Variants in KPNA1 observed in about 807,000 individuals in gnomAD.
The protein encoded by KPNA1 is karyopherin subunit alpha 1, also known as importin subunit alpha-5.
KPNA1 carries 10 observed loss-of-function variants against 70.5 expected under a neutral mutation model. That is an observed-to-expected ratio of 0.14 (90% CI 0.09 to 0.24). The LOEUF (loss-of-function observed/expected upper bound fraction) is 0.24, where lower values mean the gene tolerates loss of function less well. KPNA1 is among the 10% of genes least tolerant of loss of function. The pLI is 1.00. For missense variants in KPNA1, 397 were observed against 637.9 expected (o/e 0.62, Z 4.07); for synonymous variants, 192 against 221.9 (o/e 0.87, Z 1.20).
chr3:122,449,059 ATTATG>A (rs2076171440), intron 9 of KPNA1, among the ~76,000 whole-genome samples: 1 of 152,222 alleles, frequency 6.6e-6, no homozygotes, highest in South Asian at 2.1e-4. Flanking sequence ...CCATTTCTCC[ATTATG>A]TTATCACTTT....
intron 11 of KPNA1, 150 bp from the exon 12 acceptor site, chr3:122,433,938 CTTT>C (rs1043325100): frequency 1.6e-6 from 1 of 634,070 alleles, no homozygotes; most frequent in Admixed American, 3.4e-5. Context: ...TATCTCTAAC[CTTT>C]TTTTTTCTTT....
At chr3:122,435,942 AG>A (rs1421203365) in intron 11 of KPNA1, among the ~76,000 whole-genome samples, 2 of 152,356 alleles carry the variant, frequency 1.3e-5, no homozygotes, top group Admixed American at 6.5e-5. Flanking sequence ...TCAGGGAACA[AG>A]GGAGATAACC....
rs771436068 is a variant in KPNA1, at chr3:122,461,308, A to AG, written c.347dup (p.Pro117SerfsTer3). ...GTGTGCTGATAACTTCATCAATAGG[A>AG]GGGTTAGGTTCTGTTTCCCCATAAA... On this transcript the variant is annotated frameshift_variant, in exon 5 of 14. Transcript: ENST00000344337. LOFTEE classifies it high-confidence loss of function. The AG allele has an allele frequency of 6.2e-7, 1 of 1,608,896 alleles. No individual in the cohort carries two copies. The highest frequency in any genetic ancestry group is 8.5e-7 in the Non-Finnish European group (1 of 1,176,558).
At chr3:122,503,025 G>C (rs1054606913) in intron 1 of KPNA1, among the ~76,000 whole-genome samples, 25 of 152,040 alleles carry the variant, frequency 1.6e-4, no homozygotes, top group Non-Finnish European at 3.5e-4. Context: ...TTGAGCCTGG[G>C]AGGTCAAGGC....
chr3:122,508,046 G>GA (rs1193315063), intron 1 of KPNA1, among the ~76,000 whole-genome samples: 2 of 151,544 alleles, frequency 1.3e-5, no homozygotes, highest in Admixed American at 6.6e-5. Context: ...CAAATGCTGT[G>GA]AAAAAATGAA....
At chr3:122,483,684 T>C (rs1468015929) in intron 2 of KPNA1, among the ~76,000 whole-genome samples, 1 of 152,206 alleles carries the variant, frequency 6.6e-6, no homozygotes, top group East Asian at 1.9e-4. Context: ...AAATATAAGT[T>C]TTCTAGTAGC....
At chr3:122,472,090 G>T (rs563579981) in intron 2 of KPNA1, among the ~76,000 whole-genome samples, 16 of 152,226 alleles carry the variant, frequency 1.1e-4, no homozygotes, top group African/African-American at 3.9e-4. Flanking sequence ...TAATCAACTG[G>T]ATATAATGAA....
At chr3:122,460,864 C>T (rs1339053147) in intron 5 of KPNA1, among the ~76,000 whole-genome samples, 1 of 152,058 alleles carries the variant, frequency 6.6e-6, no homozygotes, top group Non-Finnish European at 1.5e-5. Context: ...CCATGTTACA[C>T]CATCCTGAGA....
In KPNA1 at chr3:122,500,724, G is replaced by A. The variant is rs6765287; in HGVS notation, c.-5-4154C>T. On this transcript the variant is annotated intron_variant, in intron 1 of 13. Coordinates refer to ENST00000344337, the MANE Select transcript of KPNA1 (RefSeq NM_002264.4). Reference sequence around the variant, plus strand: ...TCTCACCATGTGGGCAACTGGTCTCGAACTCCTGGGCTCAAGTGATCCTCC... The same window carrying A: ...TCTCACCATGTGGGCAACTGGTCTCAAACTCCTGGGCTCAAGTGATCCTCC... Among the ~76,000 whole-genome samples the A allele has an allele frequency of 3.4e-3, 517 of 151,772 alleles. 3 individuals carry two copies. Among genetic ancestry groups the A allele is most frequent in the African/African-American group, 0.012 (489 of 41,404 alleles).
chr3:122,511,274 C>T (rs1274045057), intron 1 of KPNA1, among the ~76,000 whole-genome samples: 1 of 152,144 alleles, frequency 6.6e-6, no homozygotes, highest in Non-Finnish European at 1.5e-5. Flanking sequence ...AGTATATAGG[C>T]ACTCATGGAC....
rs1453347293 is a variant in KPNA1, at chr3:122,431,193, A to T, written c.1250+2468T>A. ...TTTATCTTTTGAGACAGAGTCTCTCACTCTGTCTCCGAGGGTGGAGTGCAG... is the reference window on the plus strand; with the variant it reads ...TTTATCTTTTGAGACAGAGTCTCTCTCTCTGTCTCCGAGGGTGGAGTGCAG... On this transcript the variant is annotated intron_variant, in intron 12 of 13. Coordinates refer to ENST00000344337, the MANE Select transcript of KPNA1 (RefSeq NM_002264.4). Among the ~76,000 whole-genome samples the T allele has an allele frequency of 2.0e-5, 3 of 152,012 alleles. No individual in the cohort carries two copies. In the East Asian group the frequency reaches 5.8e-4, roughly 29 times the overall value.
At chr3:122,483,768 T>C (rs2076598499) in intron 2 of KPNA1, among the ~76,000 whole-genome samples, 2 of 152,138 alleles carry the variant, frequency 1.3e-5, no homozygotes, top group African/African-American at 4.8e-5. Context: ...TCTTAAGAGG[T>C]GAAATCATTT....
chr3:122,464,482 G>C (rs2076359201), intron 3 of KPNA1, among the ~76,000 whole-genome samples: 1 of 152,066 alleles, frequency 6.6e-6, no homozygotes, highest in African/African-American at 2.4e-5. Flanking sequence ...TGTTCCTCCA[G>C]TATACTGTAA....
chr3:122,469,554 T>C (rs911532455), intron 2 of KPNA1, among the ~76,000 whole-genome samples: 17 of 152,212 alleles, frequency 1.1e-4, no homozygotes, highest in Non-Finnish European at 2.1e-4. Context: ...CTAGGCCTTC[T>C]CCCTGTAACC....
At chr3:122,508,771 G>A (rs2076919563) in intron 1 of KPNA1, among the ~76,000 whole-genome samples, 1 of 152,086 alleles carries the variant, frequency 6.6e-6, no homozygotes, top group Non-Finnish European at 1.5e-5. Context: ...ACTTAATAGA[G>A]CTTCCAATTC....
intron 12 of KPNA1, among the ~76,000 whole-genome samples, chr3:122,429,320 G>A (rs769966806): frequency 3.3e-5 from 5 of 151,682 alleles, no homozygotes; most frequent in South Asian, 4.2e-4. Context: ...ACATGGCAGC[G>A]GGCACCTGTA....
At chr3:122,483,860 G>GC (rs2076599108) in intron 2 of KPNA1, among the ~76,000 whole-genome samples, 1 of 152,058 alleles carries the variant, frequency 6.6e-6, no homozygotes, top group Non-Finnish European at 1.5e-5. Context: ...CATAGATGAG[G>GC]GATTAGTTTT....
At chr3:122,513,977 T>C (rs992721621) in intron 1 of KPNA1, among the ~76,000 whole-genome samples, 4 of 152,222 alleles carry the variant, frequency 2.6e-5, no homozygotes, top group African/African-American at 9.6e-5. Context: ...AACGCTTTCA[T>C]TTAAAAGTGG....
At chr3:122,442,858 G>A (rs1560022382) in intron 9 of KPNA1, 1 of 152,286 alleles carries the variant, frequency 6.6e-6, no homozygotes, top group African/African-American at 2.4e-5. Flanking sequence ...AATAGGAACA[G>A]CTCTGGTCTG....
Sources: allele counts gnomAD v4.1 joint callset (sites outside exome capture counted in the v4.1 genomes callset), GRCh38; gene constraint gnomAD v4.1.1; transcripts MANE v1.5; gene names NCBI Gene and HGNC (gene_info 2026-07-23, HGNC 2026-07-21).